The following GRIN2A variants were observed in gnomAD, a reference collection of about 807,000 sequenced individuals.
The protein encoded by GRIN2A is glutamate ionotropic receptor NMDA type subunit 2A.
Under a neutral mutation model 113.4 loss-of-function variants are expected in GRIN2A, and 22 were observed. The observed-to-expected ratio is 0.19, with a 90% CI of 0.14 to 0.28. The LOEUF (loss-of-function observed/expected upper bound fraction) is 0.28. GRIN2A is among the 10% of genes least tolerant of loss of function. The pLI, the probability that GRIN2A is intolerant of heterozygous loss-of-function variation, is 1.00. For missense variants in GRIN2A, 1,502 were observed against 1,887.0 expected (o/e 0.80, Z 3.78); for synonymous variants, 827 against 738.4 (o/e 1.12, Z -1.94).
rs182876220 is a variant in GRIN2A at position 9,758,073 on chromosome 16, C to G, written c.*5076G>C. 51 of 211,804 alleles carry G rather than the reference C, an allele frequency of 2.4e-4. No individual in the cohort carries two copies. Among genetic ancestry groups the G allele is most frequent in the Admixed American group, 1.4e-3 (24 of 17,038 alleles). 13.1% of individuals were successfully genotyped at this position (211,804 alleles called of 1,614,324 possible). A position where few individuals can be genotyped will look rare whatever the true frequency, so the allele number is the denominator to read the frequency against. On this transcript the variant is annotated 3_prime_UTR_variant, in exon 13 of 13. Coordinates refer to ENST00000330684, the MANE Select transcript of GRIN2A (RefSeq NM_001134407.3). ...CTCTAACTTGATGATCTTAAACAGGCAACTGCCCATTTGTAAACTTCATTT... is the reference window on the plus strand; with the variant it reads ...CTCTAACTTGATGATCTTAAACAGGGAACTGCCCATTTGTAAACTTCATTT...
rs142572165 is a variant in GRIN2A at position 9,822,686 on chromosome 16, G to A, written c.2008-262C>T. Reference sequence around the variant, plus strand: ...ACTACTGCTCAGATCCTAGCACAGAGCCCGGCTGGGTGCTCCATAGGTATT... The same window carrying A: ...ACTACTGCTCAGATCCTAGCACAGAACCCGGCTGGGTGCTCCATAGGTATT... On this transcript the variant is annotated intron_variant, in intron 9 of 12. Transcript: ENST00000330684. Among the ~76,000 whole-genome samples, 1,109 of 152,286 alleles carry A rather than the reference G, an allele frequency of 7.3e-3. 3 individuals carry two copies. Among genetic ancestry groups the A allele is most frequent in the Non-Finnish European group, 0.011 (751 of 68,020 alleles).
chr16:10,124,736 C>A (rs746177943), intron 2 of GRIN2A, among the ~76,000 whole-genome samples: 3 of 152,094 alleles, frequency 2.0e-5, no homozygotes, highest in Non-Finnish European at 2.9e-5. Flanking sequence ...CAAGACAGAG[C>A]AGAGGCCCCA....
At chr16:9,899,440 C>CAAAAAAAAAAAAAA (rs71157791) in intron 3 of GRIN2A, among the ~76,000 whole-genome samples, 1 of 6,206 alleles carries the variant, frequency 1.6e-4, no homozygotes, top group African/African-American at 8.3e-4. Flanking sequence ...AACTCCGTCT[C>CAAAAAAAAAAAAAA]AAAAAAAAAA....
At chr16:10,168,220 A>G (rs1359974884) in intron 2 of GRIN2A, among the ~76,000 whole-genome samples, 2 of 152,144 alleles carry the variant, frequency 1.3e-5, no homozygotes, top group Non-Finnish European at 2.9e-5. Context: ...TGTGTGTGTG[A>G]GTTGATATAT....
intron 2 of GRIN2A, among the ~76,000 whole-genome samples, chr16:10,176,352 C>T (rs886454186): frequency 2.0e-5 from 3 of 152,070 alleles, no homozygotes; most frequent in African/African-American, 4.8e-5. Context: ...CCCAATGATG[C>T]GAGCAAAACA....
intron 11 of GRIN2A, among the ~76,000 whole-genome samples, chr16:9,792,812 T>C (rs1038581487): frequency 1.3e-5 from 2 of 152,206 alleles, no homozygotes; most frequent in African/African-American, 4.8e-5. Flanking sequence ...GTATTACTTA[T>C]AGCTAAGCTG....
chr16:10,010,729 G>A, intron 2 of GRIN2A, among the ~76,000 whole-genome samples: 1 of 152,132 alleles, frequency 6.6e-6, no homozygotes, highest in East Asian at 1.9e-4. Flanking sequence ...GAAGGTTCAT[G>A]CCTCCACCCC....
At chr16:9,848,475 C>A (rs1185198358) in intron 5 of GRIN2A, among the ~76,000 whole-genome samples, 1 of 151,020 alleles carries the variant, frequency 6.6e-6, no homozygotes, top group Non-Finnish European at 1.5e-5. Flanking sequence ...CTTGGCCTCC[C>A]AAAGTGCTGA....
chr16:10,150,509 G>C (rs1487305232), intron 2 of GRIN2A, among the ~76,000 whole-genome samples: 10 of 152,252 alleles, frequency 6.6e-5, no homozygotes, highest in Non-Finnish European at 1.2e-4. Context: ...AGTCCCATGA[G>C]AGCTGCCCTC....
At chr16:10,120,174 T>C (rs533404301) in intron 2 of GRIN2A, among the ~76,000 whole-genome samples, 1 of 152,334 alleles carries the variant, frequency 6.6e-6, no homozygotes, top group Non-Finnish European at 1.5e-5. Context: ...CCACAATGGC[T>C]GAACAAATTT....
chr16:10,083,066 T>G (rs2048014636), intron 2 of GRIN2A, among the ~76,000 whole-genome samples: 1 of 152,212 alleles, frequency 6.6e-6, no homozygotes, highest in African/African-American at 2.4e-5. Flanking sequence ...GAGGAACAAG[T>G]TTCTCTTTGC....
At chr16:9,894,900 T>C (rs992735640) in intron 3 of GRIN2A, among the ~76,000 whole-genome samples, 5 of 152,138 alleles carry the variant, frequency 3.3e-5, no homozygotes, top group African/African-American at 1.2e-4. Context: ...CATCAATACA[T>C]TTACCTGTCC....
chr16:9,938,657 T>C (rs2044778437), intron 2 of GRIN2A, 106 bp from the exon 3 acceptor site: 1 of 774,716 alleles, frequency 1.3e-6, no homozygotes, highest in Non-Finnish European at 2.2e-6. Context: ...CATCAATCAT[T>C]TGCAGACATT....
chr16:10,115,867 G>T (rs1161666472), intron 2 of GRIN2A, among the ~76,000 whole-genome samples: 2 of 152,022 alleles, frequency 1.3e-5, no homozygotes, highest in Non-Finnish European at 2.9e-5. Context: ...GAACACTTTT[G>T]GTGGGAATGT....
At chr16:9,881,941 A>G (rs751458740) in intron 4 of GRIN2A, among the ~76,000 whole-genome samples, 1 of 152,174 alleles carries the variant, frequency 6.6e-6, no homozygotes, top group African/African-American at 2.4e-5. Flanking sequence ...CTTTTACACA[A>G]TCTTCACTGG....
chr16:10,077,014 AC>A (rs1368048415), intron 2 of GRIN2A, among the ~76,000 whole-genome samples: 1 of 152,216 alleles, frequency 6.6e-6, no homozygotes. Flanking sequence ...CAAGTGCAGA[AC>A]CTTTCCTGGC....
At chr16:9,989,539 G>A (rs2046059340) in intron 2 of GRIN2A, among the ~76,000 whole-genome samples, 3 of 151,824 alleles carry the variant, frequency 2.0e-5, no homozygotes, top group Admixed American at 6.6e-5. Context: ...ATTGACAATC[G>A]GAATCTAGTT....
intron 2 of GRIN2A, among the ~76,000 whole-genome samples, chr16:10,054,690 A>G (rs1309818584): frequency 6.6e-6 from 1 of 152,242 alleles, no homozygotes; most frequent in Admixed American, 6.5e-5. Flanking sequence ...AATAGTTAAA[A>G]TAAATCCACT....
chr16:9,805,413 A>C (rs908681691), intron 10 of GRIN2A: 39 of 152,060 alleles, frequency 2.6e-4, no homozygotes, highest in African/African-American at 9.4e-4. Flanking sequence ...TGTGCACATG[A>C]GTGTGTGTGT....
Sources: allele counts gnomAD v4.1 joint callset (sites outside exome capture counted in the v4.1 genomes callset), GRCh38; gene constraint gnomAD v4.1.1; transcripts MANE v1.5; gene names NCBI Gene and HGNC (gene_info 2026-07-23, HGNC 2026-07-21).